The following LRP1B variants were observed in gnomAD, a reference collection of about 807,000 sequenced individuals.
LRP1B encodes the protein LDL receptor related protein 1B.
LRP1B carries 217 observed loss-of-function variants against 556.6 expected under a neutral mutation model. That is an observed-to-expected ratio of 0.39 (90% confidence interval 0.35 to 0.44). The LOEUF (loss-of-function observed/expected upper bound fraction) is 0.44, where lower values mean the gene tolerates loss of function less well. LRP1B is among the 20% of genes least tolerant of loss of function. The pLI is 1.00. For synonymous variants in LRP1B, 2,047 were observed against 1,865.8 expected (o/e 1.10, Z -2.50); for missense variants, 5,053 against 5,620.8 (o/e 0.90, Z 3.23).
In LRP1B at chr2:141,038,342, T is replaced by C. The variant is rs1043107448; in HGVS notation, c.1789+10644A>G. ...TGGACTATGCATTCTAATGACCAAA[T>C]TGAGATTTCATTTCTGACTTAAAAT... On this transcript the variant is annotated intron_variant, in intron 11 of 90. Coordinates refer to ENST00000389484, the MANE Select transcript of LRP1B (RefSeq NM_018557.3). Among the ~76,000 whole-genome samples the C allele has an allele frequency of 4.3e-4, 65 of 151,398 alleles. 1 individual carries two copies. The highest frequency in any genetic ancestry group is 1.3e-3 in the African/African-American group (55 of 41,272).
intron 3 of LRP1B, among the ~76,000 whole-genome samples, chr2:141,475,089 G>A (rs570462236): frequency 7.7e-4 from 117 of 152,198 alleles, no homozygotes; most frequent in African/African-American, 2.7e-3. Context: ...ATTAGCACTT[G>A]GGGGCCAGGT....
At chr2:140,728,743 G>A (rs1023155844) in intron 35 of LRP1B, among the ~76,000 whole-genome samples, 2 of 152,034 alleles carry the variant, frequency 1.3e-5, no homozygotes, top group African/African-American at 4.8e-5. Flanking sequence ...TGAATAGAGG[G>A]ATGTAGCATA....
At chr2:140,244,151 C>A (rs899705069) in intron 87 of LRP1B, among the ~76,000 whole-genome samples, 1 of 151,088 alleles carries the variant, frequency 6.6e-6, no homozygotes, top group Non-Finnish European at 1.5e-5. Flanking sequence ...TAAACCTTTG[C>A]TTTGGGAGAA....
intron 25 of LRP1B, among the ~76,000 whole-genome samples, chr2:140,881,868 T>C (rs1255009620): frequency 1.3e-5 from 2 of 152,138 alleles, no homozygotes; most frequent in Non-Finnish European, 2.9e-5. Context: ...TGTATGTCCT[T>C]TGTGTTTTTG....
chr2:140,644,966 T>A (rs1309144544), intron 41 of LRP1B, among the ~76,000 whole-genome samples: 7 of 152,204 alleles, frequency 4.6e-5, no homozygotes, highest in African/African-American at 1.7e-4. Context: ...TATTAATGAA[T>A]TGTTCAAGCC....
chr2:141,576,829 A>T (rs1483157), intron 2 of LRP1B, among the ~76,000 whole-genome samples: 133,320 of 139,042 alleles, frequency 0.96, 63,886 homozygotes, highest in East Asian at 1. Flanking sequence ...TTTTTTTTTT[A>T]AATTTTTTTG....
At chr2:141,831,652 A>G (rs986568224) in intron 1 of LRP1B, among the ~76,000 whole-genome samples, 1 of 151,680 alleles carries the variant, frequency 6.6e-6, no homozygotes, top group Non-Finnish European at 1.5e-5. Flanking sequence ...GGGCATTTTT[A>G]TGGCTCCAGT....
chr2:141,456,273 T>C (rs533056856), intron 3 of LRP1B, among the ~76,000 whole-genome samples: 1 of 152,236 alleles, frequency 6.6e-6, no homozygotes, highest in Non-Finnish European at 1.5e-5. Flanking sequence ...CACCATCTAT[T>C]ATTTACTTTT....
chr2:142,020,506 C>T (rs1409435633), intron 1 of LRP1B, among the ~76,000 whole-genome samples: 1 of 152,126 alleles, frequency 6.6e-6, no homozygotes, highest in Non-Finnish European at 1.5e-5. Flanking sequence ...GCTATTAATA[C>T]AGTTCAGAAT....
chr2:141,849,686 C>T (rs1170206705), intron 1 of LRP1B, among the ~76,000 whole-genome samples: 2 of 151,554 alleles, frequency 1.3e-5, no homozygotes, highest in Non-Finnish European at 3.0e-5. Flanking sequence ...CCTTTAAATA[C>T]TTTAAATGAA....
intron 35 of LRP1B, among the ~76,000 whole-genome samples, chr2:140,726,692 G>A (rs548183890): frequency 4.1e-4 from 62 of 152,182 alleles, no homozygotes; most frequent in African/African-American, 1.1e-3. Context: ...GATATTGTGA[G>A]CTCTGAAGTT....
Position 141,062,093 on chromosome 2 carries a change from G to A in LRP1B, c.1194C>T (p.Asp398=), listed in dbSNP as rs967993720. 1 of 1,611,780 alleles carries A rather than the reference G, an allele frequency of 6.2e-7. No homozygotes were observed. The highest frequency in any genetic ancestry group is 8.5e-7 in the Non-Finnish European group (1 of 1,178,578). Residue 398 remains aspartate (D), a synonymous_variant, in exon 8 of 91, where the codon GAC becomes GAT. Transcript: ENST00000389484. ...CAGTGTGTCTATTTTTTCCTTGATA[G>A]TCCACTACTCCCACATAGTCCAAGT... ...DLYLDYVGVV[D]YQGKNRHTVI... is the part of the protein sequence containing the mutation.
At chr2:141,172,346 A>T (rs1166978452) in intron 7 of LRP1B, among the ~76,000 whole-genome samples, 2 of 152,056 alleles carry the variant, frequency 1.3e-5, no homozygotes, top group Non-Finnish European at 1.5e-5. Context: ...GACATAATGC[A>T]ATGTTCTTCC....
At chr2:140,301,478 G>C (rs1469798522) in intron 83 of LRP1B, among the ~76,000 whole-genome samples, 2 of 152,042 alleles carry the variant, frequency 1.3e-5, no homozygotes, top group Non-Finnish European at 2.9e-5. Context: ...ACATCCTTGA[G>C]CTTCTTCAAA....
At chr2:140,379,194 A>G (rs1683365792) in intron 67 of LRP1B, among the ~76,000 whole-genome samples, 2 of 152,190 alleles carry the variant, frequency 1.3e-5, no homozygotes, top group Admixed American at 1.3e-4. Flanking sequence ...TTGCAGCTGT[A>G]TCACACATAA....
intron 85 of LRP1B, 112 bp from the exon 86 acceptor site, chr2:140,270,458 G>C: frequency 1.5e-6 from 1 of 666,856 alleles, no homozygotes; most frequent in Non-Finnish European, 2.6e-6. Flanking sequence ...GAGAGATGGA[G>C]TGGCTGGTTA....
chr2:141,613,762 G>C (rs542358096), intron 2 of LRP1B, among the ~76,000 whole-genome samples: 1 of 152,014 alleles, frequency 6.6e-6, no homozygotes. Context: ...AGAATACTAC[G>C]GTCAAATTCC....
intron 49 of LRP1B, among the ~76,000 whole-genome samples, chr2:140,522,150 C>T (rs780109811): frequency 3.0e-4 from 45 of 151,912 alleles, no homozygotes; most frequent in Non-Finnish European, 5.0e-4. Flanking sequence ...CATCTGTACA[C>T]AAAATATACT....
intron 55 of LRP1B, among the ~76,000 whole-genome samples, chr2:140,500,186 TA>T (rs879577083): frequency 1.3e-5 from 2 of 151,998 alleles, no homozygotes; most frequent in Non-Finnish European, 2.9e-5. Context: ...ATATTGGGTC[TA>T]AAAAACTTTT....
Sources: allele counts gnomAD v4.1 joint callset (sites outside exome capture counted in the v4.1 genomes callset), GRCh38; gene constraint gnomAD v4.1.1; transcripts MANE v1.5; gene names NCBI Gene and HGNC (gene_info 2026-07-23, HGNC 2026-07-21).